Variants in TMEM132B observed in about 807,000 individuals in gnomAD.
TMEM132B encodes the protein transmembrane protein 132B.
TMEM132B carries 18 observed loss-of-function variants against 90.8 expected under a neutral mutation model. The observed-to-expected ratio is 0.20, with a 90% CI of 0.14 to 0.29. The LOEUF (loss-of-function observed/expected upper bound fraction) is 0.29, where lower values mean the gene tolerates loss of function less well. TMEM132B is among the 10% of genes least tolerant of loss of function. The pLI is 1.00. For synonymous variants in TMEM132B, 504 were observed against 523.3 expected, an observed-to-expected ratio of 0.96 and a Z score of 0.50; for missense variants, 1,096 against 1,326.8, an observed-to-expected ratio of 0.83 and a Z score of 2.70.
chr12:125,390,505 G>T (rs1243051185), intron 2 of TMEM132B, among the ~76,000 whole-genome samples: 1 of 152,208 alleles, frequency 6.6e-6, no homozygotes, highest in Non-Finnish European at 1.5e-5. Context: ...GTGAAGCTGA[G>T]TTCTCCACTC....
intron 5 of TMEM132B, among the ~76,000 whole-genome samples, chr12:125,637,747 G>T (rs1160427574): frequency 1.3e-5 from 2 of 152,168 alleles, no homozygotes; most frequent in Non-Finnish European, 2.9e-5. Flanking sequence ...TGTGAAAAAA[G>T]CCAGACATAA....
intron 3 of TMEM132B, among the ~76,000 whole-genome samples, chr12:125,434,580 T>G (rs1176992120): frequency 6.6e-6 from 1 of 152,148 alleles, no homozygotes; most frequent in Non-Finnish European, 1.5e-5. Context: ...GCCCTGGCAG[T>G]GGCTCCCCAC....
At chr12:125,645,653 C>T (rs551056132) in intron 6 of TMEM132B, among the ~76,000 whole-genome samples, 10 of 152,214 alleles carry the variant, frequency 6.6e-5, no homozygotes, top group Non-Finnish European at 1.5e-4. Flanking sequence ...TTAGCACTTC[C>T]AGATAAGAGA....
chr12:125,276,708 C>T (rs1875000415), intron 1 of TMEM132B, among the ~76,000 whole-genome samples: 1 of 152,192 alleles, frequency 6.6e-6, no homozygotes, highest in Non-Finnish European at 1.5e-5. Flanking sequence ...TGACCTGACC[C>T]TTGTTGGTGT....
intron 1 of TMEM132B, among the ~76,000 whole-genome samples, chr12:125,265,065 TG>T (rs1874654993): frequency 1.3e-5 from 2 of 152,336 alleles, no homozygotes; most frequent in South Asian, 4.1e-4. Context: ...GTTACTGTAC[TG>T]AATACTGCAG....
At chr12:125,220,428 A>T (rs1289353266) in intron 1 of TMEM132B, among the ~76,000 whole-genome samples, 1 of 152,214 alleles carries the variant, frequency 6.6e-6, no homozygotes, top group Non-Finnish European at 1.5e-5. Flanking sequence ...CTTTCAAGAT[A>T]ATGCTGTTTC....
chr12:125,485,652 T>A (rs1460563764), intron 3 of TMEM132B, among the ~76,000 whole-genome samples: 2 of 152,180 alleles, frequency 1.3e-5, no homozygotes, highest in Non-Finnish European at 2.9e-5. Flanking sequence ...GTATCTCATT[T>A]TAGAGCTCTT....
chr12:125,391,559 C>T (rs1256789153), intron 2 of TMEM132B, among the ~76,000 whole-genome samples: 1 of 152,152 alleles, frequency 6.6e-6, no homozygotes, highest in African/African-American at 2.4e-5. Flanking sequence ...CTCCCCTACT[C>T]CCCTGCAGAC....
intron 1 of TMEM132B, among the ~76,000 whole-genome samples, chr12:125,284,438 C>A (rs1342139321): frequency 6.6e-6 from 1 of 152,232 alleles, no homozygotes; most frequent in Non-Finnish European, 1.5e-5. Flanking sequence ...AGAACAAAGA[C>A]CCCGCTGCCG....
intron 4 of TMEM132B, among the ~76,000 whole-genome samples, chr12:125,546,519 T>C (rs538730820): frequency 6.6e-6 from 1 of 152,346 alleles, no homozygotes; most frequent in South Asian, 2.1e-4. Context: ...TTTTGCCTTT[T>C]CTAGAACTTT....
intron 5 of TMEM132B, among the ~76,000 whole-genome samples, chr12:125,603,272 G>A (rs147811254): frequency 1.0e-3 from 155 of 152,218 alleles, no homozygotes; most frequent in Admixed American, 7.8e-3. Flanking sequence ...TAGACCAATG[G>A]AGTAGAATAG....
intron 3 of TMEM132B, among the ~76,000 whole-genome samples, chr12:125,479,975 C>G (rs528209802): frequency 1.3e-5 from 2 of 152,306 alleles, no homozygotes; most frequent in African/African-American, 4.8e-5. Context: ...CGCACAACTA[C>G]ATGGAAACTG....
In TMEM132B at chr12:125,519,593, A is replaced by G. The variant is rs773093463; in HGVS notation, c.1261A>G (p.Thr421Ala). 19 of 1,614,028 alleles carry G rather than the reference A, an allele frequency of 1.2e-5. No homozygotes were observed. The African/African-American group carries it at 2.1e-4, about 18-fold the overall frequency. ...CGTCTCCGAGATCTTCGTCAGCCAG[A>G]CAACCTTCGTGGGCATCGTCCCTCT... Reference protein sequence around the residue: ...LVVSEIFVSQTTFVGIVPLAM... With the variant: ...LVVSEIFVSQATFVGIVPLAM... Residue 421 changes from threonine to alanine, a missense_variant, in exon 4 of 9, where the codon ACA (threonine) becomes GCA (alanine). Coordinates refer to ENST00000682704, the MANE Select transcript of TMEM132B (RefSeq NM_001366854.1).
chr12:125,231,476 C>T (rs1873820059), intron 1 of TMEM132B, among the ~76,000 whole-genome samples: 1 of 152,132 alleles, frequency 6.6e-6, no homozygotes, highest in South Asian at 2.1e-4. Flanking sequence ...AACTCCAGAG[C>T]TTACTTTGGT....
At chr12:125,273,878 G>A (rs1250862783) in intron 1 of TMEM132B, among the ~76,000 whole-genome samples, 1 of 152,124 alleles carries the variant, frequency 6.6e-6, no homozygotes, top group Non-Finnish European at 1.5e-5. Context: ...TGGTCAGTCT[G>A]GTCTTGAACT....
At chr12:125,432,963 T>C (rs1880585418) in intron 3 of TMEM132B, among the ~76,000 whole-genome samples, 1 of 152,006 alleles carries the variant, frequency 6.6e-6, no homozygotes, top group South Asian at 2.1e-4. Flanking sequence ...CACCTCAGAG[T>C]GGAATGCCAA....
intron 1 of TMEM132B, among the ~76,000 whole-genome samples, chr12:125,195,870 G>A (rs1872913243): frequency 6.6e-6 from 1 of 152,168 alleles, no homozygotes; most frequent in Admixed American, 6.5e-5. Context: ...GGGACAGAAG[G>A]GAGGCCAGTG....
At chr12:125,380,889 G>A (rs1244030953) in intron 2 of TMEM132B, among the ~76,000 whole-genome samples, 1 of 152,186 alleles carries the variant, frequency 6.6e-6, no homozygotes, top group African/African-American at 2.4e-5. Context: ...GCCTAGGGGT[G>A]CTATCAGCTC....
intron 3 of TMEM132B, among the ~76,000 whole-genome samples, chr12:125,418,803 A>G (rs1175530673): frequency 6.6e-6 from 1 of 152,246 alleles, no homozygotes; most frequent in African/African-American, 2.4e-5. Context: ...ATTTTAATGA[A>G]CACTCTTTGT....
Sources: allele counts gnomAD v4.1 joint callset (sites outside exome capture counted in the v4.1 genomes callset), GRCh38; gene constraint gnomAD v4.1.1; transcripts MANE v1.5; gene names NCBI Gene and HGNC (gene_info 2026-07-23, HGNC 2026-07-21).